BRCA2: variants seen among roughly 807,000 people sequenced by gnomAD.
BRCA2 encodes the protein breast cancer type 2 susceptibility protein.
A neutral mutation model predicts 276.7 loss-of-function variants in BRCA2; 203 were observed. That is an observed-to-expected ratio of 0.73 (90% confidence interval 0.65 to 0.82). The LOEUF (loss-of-function observed/expected upper bound fraction) is 0.82. BRCA2 is among the 40% of genes least tolerant of loss of function. BRCA2 has a pLI of 0.00. For missense variants in BRCA2, 3,920 were observed against 3,915.0 expected, an observed-to-expected ratio of 1.00 and a Z score of -0.03; for synonymous variants, 1,289 against 1,338.4, an observed-to-expected ratio of 0.96 and a Z score of 0.81.
intron 18 of BRCA2, among the ~76,000 whole-genome samples, chr13:32,368,503 G>A (rs13378910): frequency 3.4e-5 from 5 of 147,194 alleles, no homozygotes; most frequent in African/African-American, 5.0e-5. Context: ...TTTCATTTTC[G>A]TTTTTTCTGC....
intron 18 of BRCA2, among the ~76,000 whole-genome samples, chr13:32,365,198 C>G (rs1276525227): frequency 7.6e-6 from 1 of 131,122 alleles, no homozygotes; most frequent in East Asian, 2.2e-4. Flanking sequence ...GATGAGGTCT[C>G]CCTGTGTTGC....
chr13:32,352,043 C>T (rs1259986359), intron 13 of BRCA2, among the ~76,000 whole-genome samples: 12 of 152,082 alleles, frequency 7.9e-5, no homozygotes, highest in African/African-American at 1.9e-4. Flanking sequence ...CCTCGTGATC[C>T]GCCCACCTTG....
At chr13:32,382,291 G>A (rs2072930030) in intron 24 of BRCA2, among the ~76,000 whole-genome samples, 1 of 152,180 alleles carries the variant, frequency 6.6e-6, no homozygotes, top group Admixed American at 6.5e-5. Flanking sequence ...GACTGGATGA[G>A]GTCACTGTGG....
intron 21 of BRCA2, among the ~76,000 whole-genome samples, chr13:32,377,201 G>C (rs191837769): frequency 6.6e-6 from 1 of 152,068 alleles, no homozygotes; most frequent in Non-Finnish European, 1.5e-5. Flanking sequence ...CTACCCTAAG[G>C]GTACTTGGGT....
chr13:32,351,895 A>G (rs780176873), intron 13 of BRCA2, among the ~76,000 whole-genome samples: 35 of 152,092 alleles, frequency 2.3e-4, no homozygotes, highest in South Asian at 6.2e-4. Flanking sequence ...TCTGCCTCCT[A>G]GGTTCAAGCG....
At chr13:32,364,504 A>G (rs1306622820) in intron 18 of BRCA2, among the ~76,000 whole-genome samples, 10 of 151,964 alleles carry the variant, frequency 6.6e-5, no homozygotes. Flanking sequence ...ATATTTCTCT[A>G]CCCTCTTCCC....
rs113114005 is a variant in BRCA2 at position 32,326,147 on chromosome 13, T to A, written c.472T>A (p.Ser158Thr). Residue 158 changes from serine (S) to threonine (T), a missense_variant, in exon 5 of 27, where the codon TCA becomes ACA. Ser to Thr is a moderately conservative substitution (Grantham distance 58, BLOSUM62 1). Coordinates refer to ENST00000380152, the MANE Select transcript of BRCA2 (RefSeq NM_000059.4). Reference sequence around the variant, plus strand: ...ACATGTAACACCACAAAGAGATAAGTCAGGTATGATTAAAAACAATGCTTT... The same window carrying A: ...ACATGTAACACCACAAAGAGATAAGACAGGTATGATTAAAAACAATGCTTT... ...CTHVTPQRDK[S>T]VVCGSLFHTP... 6.2e-7 allele frequency: 1 copy of A among 1,608,976 alleles called. No individual in the cohort carries two copies. The highest frequency in any genetic ancestry group is 8.5e-7 in the Non-Finnish European group (1 of 1,176,296).
rs276174805 is a variant in BRCA2, at chr13:32,332,552, G to A, written c.1074G>A (p.Val358=). The A allele has an allele frequency of 6.2e-7, 1 of 1,612,600 alleles. No individual in the cohort carries two copies. The highest frequency in any genetic ancestry group is 1.1e-5 in the South Asian group (1 of 90,616). The change falls in exon 10 of 27, where the codon GTG becomes GTA. Residue 358 remains valine, a synonymous_variant. Transcript: ENST00000380152. The part of the protein sequence containing the change: ...VKEKYSFVSE[V]EPNDTDPLDS... ...AAAAATACTCATTTGTATCTGAAGT[G>A]GAACCAAATGATACTGATCCATTAG...
At chr13:32,383,237 G>A (rs2072936850) in intron 24 of BRCA2, among the ~76,000 whole-genome samples, 1 of 145,176 alleles carries the variant, frequency 6.9e-6, no homozygotes, top group Admixed American at 6.9e-5. Context: ...GCGGGCGCCT[G>A]CAGTCTCAGC....
chr13:32,374,451 A>T lies in BRCA2; in HGVS notation c.8633-2219A>T, dbSNP rs2072857591. On this transcript the variant is annotated intron_variant, in intron 20 of 26. Coordinates refer to ENST00000380152, the MANE Select transcript of BRCA2 (RefSeq NM_000059.4). ...TCAAACCATCTCTTTGTGAACATGT[A>T]TGACTGTGTTTCTAGAAAAAGCCAC... Among the ~76,000 whole-genome samples, 5 of 152,340 alleles carry T rather than the reference A, an allele frequency of 3.3e-5. 2 individuals are homozygous for T. The South Asian group carries it at 1.0e-3, about 32-fold the overall frequency.
chr13:32,322,286 C>T (rs1244644806), intron 3 of BRCA2, among the ~76,000 whole-genome samples: 1 of 152,056 alleles, frequency 6.6e-6, no homozygotes, highest in Non-Finnish European at 1.5e-5. Context: ...AGCAATATGC[C>T]GAGACCAGCT....
In BRCA2 at chr13:32,339,765, G is replaced by A. The variant is rs2137517269; in HGVS notation, c.5410G>A (p.Val1804Ile). 6.2e-7 allele frequency: 1 copy of A among 1,613,888 alleles called. No individual in the cohort carries two copies. The highest frequency in any genetic ancestry group is 8.5e-7 in the Non-Finnish European group (1 of 1,179,872). ...AGATGCAAATGCATACCCACAAACTGTAAATGAAGATATTTGCGTTGAGGA... is the reference window on the plus strand; with the variant it reads ...AGATGCAAATGCATACCCACAAACTATAAATGAAGATATTTGCGTTGAGGA... ...VKDANAYPQTVNEDICVEELV... is the reference protein window; with the variant it reads ...VKDANAYPQTINEDICVEELV... Residue 1804 changes from valine (V) to isoleucine (I), a missense_variant, in exon 11 of 27, where the codon GTA (valine) becomes ATA (isoleucine). By Grantham distance (29) the Val-to-Ile change is conservative. Around this residue, in one of 2 missense-constraint regions of BRCA2, gnomAD observed 3,263 missense variants for 3,156.9 expected, o/e 1.03. Coordinates refer to ENST00000380152, the MANE Select transcript of BRCA2 (RefSeq NM_000059.4).
rs876658533 is a variant in BRCA2 at position 32,340,079 on chromosome 13, A to G, written c.5724A>G (p.Leu1908=). 1.9e-6 allele frequency: 3 copies of G among 1,613,796 alleles called. No individual in the cohort carries two copies. Among genetic ancestry groups the G allele is most frequent in the Admixed American group, 1.7e-5 (1 of 59,990 alleles). The part of the protein sequence containing the change: ...DDSEDILHNS[L]DNDECSTHSH... ...CAGAGGATATTCTTCATAACTCTCT[A>G]GATAATGATGAATGTAGCACGCATT... The change falls in exon 11 of 27, where the codon CTA becomes CTG. Residue 1908 remains leucine (L), a synonymous_variant. Coordinates refer to ENST00000380152, the MANE Select transcript of BRCA2 (RefSeq NM_000059.4).
At position 32,337,357 on chromosome 13, in the gene BRCA2, C is replaced by T. The variant is rs1555283001; in HGVS notation, c.3002C>T (p.Ser1001Leu). ...TGGGCAGGACTCTTAGGTCCAATTTCAAATCACAGTTTTGGAGGTAGCTTC... is the reference window on the plus strand; with the variant it reads ...TGGGCAGGACTCTTAGGTCCAATTTTAAATCACAGTTTTGGAGGTAGCTTC... ...NKWAGLLGPI[S>L]NHSFGGSFRT... is the part of the protein sequence containing the mutation. Residue 1001 changes from serine to leucine, a missense_variant, in exon 11 of 27, where the codon TCA becomes TTA. Physicochemically the swap from Ser to Leu is moderately radical, Grantham distance 145. Around this residue, in one of 2 missense-constraint regions of BRCA2, gnomAD observed 3,263 missense variants for 3,156.9 expected, o/e 1.03. Transcript: ENST00000380152. 1 of 1,613,768 alleles carries T rather than the reference C, an allele frequency of 6.2e-7. No individual in the cohort carries two copies. The highest frequency in any genetic ancestry group is 8.5e-7 in the Non-Finnish European group (1 of 1,179,892).
rs771221023 is a variant in BRCA2 at position 32,399,956 on chromosome 13, T to C, written c.*1186T>C. On this transcript the variant is annotated 3_prime_UTR_variant, in exon 27 of 27. Coordinates refer to ENST00000380152, the MANE Select transcript of BRCA2 (RefSeq NM_000059.4). ...ACGCACCACCATGCCCAGCTAATTT[T>C]TGCATTTTTAGTAGAGACTGGGTTT... 2 of 152,164 alleles carry C rather than the reference T, an allele frequency of 1.3e-5. No homozygotes were observed. Among genetic ancestry groups the C allele is most frequent in the African/African-American group, 4.8e-5 (2 of 41,408 alleles). 9.4% of individuals were successfully genotyped at this position (152,164 alleles called of 1,614,324 possible). A position where few individuals can be genotyped will look rare whatever the true frequency, so the allele number is the denominator to read the frequency against.
chr13:32,350,950 C>T (rs2072645330), intron 13 of BRCA2, among the ~76,000 whole-genome samples: 1 of 152,058 alleles, frequency 6.6e-6, no homozygotes, highest in African/African-American at 2.4e-5. Context: ...CCAATCAGCG[C>T]TCTGTGTCTA....
At chr13:32,328,931 A>G (rs972739707) in intron 7 of BRCA2, among the ~76,000 whole-genome samples, 1 of 152,148 alleles carries the variant, frequency 6.6e-6, no homozygotes, top group Non-Finnish European at 1.5e-5. Flanking sequence ...CCTGAGCTTA[A>G]TTTATTCCCA....
rs1555283563 is a variant in BRCA2, at chr13:32,338,468, G to T, written c.4113G>T (p.Gln1371His). The change falls in exon 11 of 27, where the codon CAG becomes CAT. Residue 1371 changes from glutamine to histidine, a missense_variant. Gln to His is a conservative substitution (Grantham distance 24). Coordinates refer to ENST00000380152, the MANE Select transcript of BRCA2 (RefSeq NM_000059.4). The part of the protein sequence containing the change: ...QHNICLKLSG[Q>H]FMKEGNTQIK... ...ACATATGTCTTAAATTATCTGGCCA[G>T]TTTATGAAGGAGGGAAACACTCAGA... is the stretch of plus-strand genomic sequence containing the variant. 4.3e-6 allele frequency: 7 copies of T among 1,610,856 alleles called. No homozygotes were observed. The highest frequency in any genetic ancestry group is 5.9e-6 in the Non-Finnish European group (7 of 1,179,170).
intron 16 of BRCA2, among the ~76,000 whole-genome samples, chr13:32,359,222 G>GAAAAAAA (rs67041705): frequency 8.4e-5 from 9 of 107,418 alleles, no homozygotes; most frequent in Admixed American, 1.1e-4. Flanking sequence ...TCCATCTCAA[G>GAAAAAAA]AAAAAAAAAA....
Sources: allele counts gnomAD v4.1 joint callset (sites outside exome capture counted in the v4.1 genomes callset), GRCh38; gene constraint gnomAD v4.1.1; regional missense constraint gnomAD v4.1.1; transcripts MANE v1.5; gene names NCBI Gene and HGNC (gene_info 2026-07-23, HGNC 2026-07-21).